Variants in GRID1 observed in about 807,000 individuals in gnomAD.
GRID1 encodes the protein glutamate receptor ionotropic, delta-1.
A neutral mutation model predicts 98.0 loss-of-function variants in GRID1; 28 were observed. The ratio of observed to expected loss-of-function variants is 0.29; its 90% confidence interval spans 0.21 to 0.39. The LOEUF (loss-of-function observed/expected upper bound fraction) is 0.39, where lower values mean the gene tolerates loss of function less well. Among genes scored for constraint, GRID1 ranks in the 10% least tolerant of loss-of-function variants. GRID1 has a pLI of 1.00. For synonymous variants in GRID1, 553 were observed against 538.5 expected, an observed-to-expected ratio of 1.03 and a Z score of -0.37; for missense variants, 1,111 against 1,340.5, an observed-to-expected ratio of 0.83 and a Z score of 2.67.
chr10:85,928,442 C>A (rs550753215), intron 4 of GRID1, among the ~76,000 whole-genome samples: 1 of 152,348 alleles, frequency 6.6e-6, no homozygotes, highest in Admixed American at 6.5e-5. Flanking sequence ...GCACAGTCCC[C>A]GTCCTCCAGT....
At chr10:86,250,651 G>A (rs1021902901) in intron 2 of GRID1, among the ~76,000 whole-genome samples, 15 of 151,476 alleles carry the variant, frequency 9.9e-5, no homozygotes, top group Non-Finnish European at 2.1e-4. Context: ...GTGGGGGGCA[G>A]CCCCCGCCTG....
intron 4 of GRID1, among the ~76,000 whole-genome samples, chr10:86,084,815 T>A (rs1011509835): frequency 6.6e-6 from 1 of 152,038 alleles, no homozygotes; most frequent in Non-Finnish European, 1.5e-5. Flanking sequence ...ACATGAGTTA[T>A]GTAGAGCAGT....
At chr10:85,861,773 C>T (rs973831143) in intron 6 of GRID1, among the ~76,000 whole-genome samples, 1 of 152,244 alleles carries the variant, frequency 6.6e-6, no homozygotes, top group African/African-American at 2.4e-5. Flanking sequence ...CCATGGAAGG[C>T]ATGTGCTCTG....
chr10:86,121,322 A>G (rs905161777), intron 4 of GRID1, among the ~76,000 whole-genome samples: 3 of 150,698 alleles, frequency 2.0e-5, no homozygotes, highest in African/African-American at 7.3e-5. Context: ...CATCATCACC[A>G]CATCACCATC....
rs921244979 is a variant in GRID1 at position 86,365,502 on chromosome 10, C to T, written c.79+812G>A. On this transcript the variant is annotated intron_variant, in intron 1 of 15. Coordinates refer to ENST00000327946, the MANE Select transcript of GRID1 (RefSeq NM_017551.3). The surrounding 1 kb of genome is among the most constrained non-coding windows in gnomAD (Gnocchi z 4.8). Reference sequence around the variant, plus strand: ...CCTCCTCTGCGCTTTCATCTTCTCTCCCGGTTCTCTCTCTCTATCCATCTC... The same window carrying T: ...CCTCCTCTGCGCTTTCATCTTCTCTTCCGGTTCTCTCTCTCTATCCATCTC... Among the ~76,000 whole-genome samples the T allele has an allele frequency of 6.6e-6, 1 of 151,680 alleles. No homozygotes were observed. The highest frequency in any genetic ancestry group is 1.5e-5 in the Non-Finnish European group (1 of 67,940).
intron 8 of GRID1, among the ~76,000 whole-genome samples, chr10:85,811,749 G>A: frequency 6.6e-6 from 1 of 152,120 alleles, no homozygotes; most frequent in Non-Finnish European, 1.5e-5. Flanking sequence ...GCAATCAGAA[G>A]GTGAAGAGAA....
chr10:85,601,855 G>A lies in GRID1; in HGVS notation c.*418C>T, dbSNP rs1328154748. 1 of 166,516 alleles carries A rather than the reference G, an allele frequency of 6.0e-6. No homozygotes were observed. The highest frequency in any genetic ancestry group is 2.4e-5 in the African/African-American group (1 of 41,924). 10.3% of individuals were successfully genotyped at this position (166,516 alleles called of 1,614,324 possible). ...GCAAAGAAATGGGGCAGCAAGCTGT[G>A]GGACAAGGCAGCGAGTGGCATGTGG... On this transcript the variant is annotated 3_prime_UTR_variant, in exon 16 of 16. Coordinates refer to ENST00000327946, the MANE Select transcript of GRID1 (RefSeq NM_017551.3).
chr10:85,642,945 T>C (rs1843141026), intron 13 of GRID1, among the ~76,000 whole-genome samples: 1 of 152,158 alleles, frequency 6.6e-6, no homozygotes, highest in South Asian at 2.1e-4. Context: ...TGTATTGGCA[T>C]GAAGGAGTGG....
chr10:86,142,219 T>G (rs1845020944), intron 3 of GRID1, among the ~76,000 whole-genome samples: 2 of 152,248 alleles, frequency 1.3e-5, no homozygotes, highest in Non-Finnish European at 2.9e-5. Context: ...AACTGCCCAG[T>G]TGACCTATAG....
chr10:85,674,824 G>A (rs1400768242), intron 12 of GRID1, among the ~76,000 whole-genome samples: 6 of 151,946 alleles, frequency 3.9e-5, no homozygotes, highest in Admixed American at 2.6e-4. Context: ...CATTATTAAT[G>A]CAAATTATAA....
At chr10:86,018,843 C>T (rs983232246) in intron 4 of GRID1, among the ~76,000 whole-genome samples, 2 of 152,218 alleles carry the variant, frequency 1.3e-5, no homozygotes, top group African/African-American at 4.8e-5. Flanking sequence ...TAACACCACC[C>T]ATACAATATT....
At chr10:85,771,280 T>A (rs1257126126) in intron 8 of GRID1, among the ~76,000 whole-genome samples, 2 of 152,102 alleles carry the variant, frequency 1.3e-5, no homozygotes, top group African/African-American at 4.8e-5. Context: ...GCTGAGAGAT[T>A]TTGTCACCAC....
At chr10:86,280,487 GT>G (rs149782167) in intron 2 of GRID1, among the ~76,000 whole-genome samples, 7,028 of 152,202 alleles carry the variant, frequency 0.046, 459 homozygotes, top group African/African-American at 0.15. Flanking sequence ...TGCAAAGAGA[GT>G]TTTAATAGTT....
chr10:85,693,758 A>G (rs944721400), intron 12 of GRID1, among the ~76,000 whole-genome samples: 8 of 152,156 alleles, frequency 5.3e-5, no homozygotes, highest in African/African-American at 1.9e-4. Context: ...TTGGACCCTT[A>G]TCTTTCACCA....
chr10:86,174,363 A>G (rs979942405), intron 3 of GRID1, among the ~76,000 whole-genome samples: 1 of 152,094 alleles, frequency 6.6e-6, no homozygotes, highest in Non-Finnish European at 1.5e-5. Flanking sequence ...CTGATCTTTG[A>G]CAAACCTGAG....
chr10:86,260,432 G>C (rs1010161627), intron 2 of GRID1, among the ~76,000 whole-genome samples: 2 of 152,176 alleles, frequency 1.3e-5, no homozygotes, highest in African/African-American at 4.8e-5. Context: ...GAACTTCTAT[G>C]CTCCCACCAC....
intron 2 of GRID1, among the ~76,000 whole-genome samples, chr10:86,253,510 C>G (rs1846869047): frequency 6.6e-6 from 1 of 152,326 alleles, no homozygotes; most frequent in Middle Eastern, 3.4e-3. Flanking sequence ...AGCACTTCCT[C>G]AGCACAGAGC....
chr10:85,665,853 G>A (rs141368398), intron 12 of GRID1, among the ~76,000 whole-genome samples: 155 of 152,208 alleles, frequency 1.0e-3, no homozygotes, highest in Non-Finnish European at 1.9e-3. Flanking sequence ...TTGGGGTGAT[G>A]ACTGGAAATA....
chr10:85,761,252 G>A (rs998296498), intron 8 of GRID1, among the ~76,000 whole-genome samples: 2 of 152,158 alleles, frequency 1.3e-5, no homozygotes, highest in African/African-American at 4.8e-5. Flanking sequence ...TATATCAAGT[G>A]TCATGTGTTA....
Sources: allele counts gnomAD v4.1 joint callset (sites outside exome capture counted in the v4.1 genomes callset), GRCh38; gene constraint gnomAD v4.1.1; non-coding constraint Gnocchi (gnomAD v3.1); transcripts MANE v1.5; gene names NCBI Gene and HGNC (gene_info 2026-07-23, HGNC 2026-07-21).